The following MAMLD1 variants were observed in gnomAD, a reference collection of about 807,000 sequenced individuals.
MAMLD1 encodes mastermind-like domain-containing protein 1.
Under a neutral mutation model 45.0 loss-of-function variants are expected in MAMLD1, and 14 were observed. The observed-to-expected ratio is 0.31, with a 90% CI of 0.21 to 0.49. The LOEUF (loss-of-function observed/expected upper bound fraction) is 0.49, where lower values mean the gene tolerates loss of function less well. Among genes scored for constraint, MAMLD1 ranks in the 20% least tolerant of loss-of-function variants. The pLI is 0.99. For missense variants in MAMLD1, 543 were observed against 603.6 expected (o/e 0.90, Z 1.05); for synonymous variants, 254 against 247.8 (o/e 1.02, Z -0.24).
chrX:150,426,853 A>G (rs1369117831), intron 1 of MAMLD1, among the ~76,000 whole-genome samples: 5 of 112,206 alleles, frequency 4.5e-5, no homozygotes, highest in African/African-American at 1.6e-4. Context: ...CCTTGCCTGC[A>G]GAAACATTTT....
At position 150,403,940 on chromosome X, in the gene MAMLD1, A is replaced by AAAAGAAAGAAAGAAAGAGAAAGAAAG. The variant is rs1557402563; in HGVS notation, c.-64+40427_-64+40428insGAAAGAAAGAAAGAAAGAAAGAAAGA. 3.9e-3 allele frequency among the ~76,000 whole-genome samples: 229 copies of AAAAGAAAGAAAGAAAGAGAAAGAAAG among 58,888 alleles called. 2 individuals carry two copies. Among genetic ancestry groups the AAAAGAAAGAAAGAAAGAGAAAGAAAG allele is most frequent in the Non-Finnish European group, 5.5e-3 (171 of 30,966 alleles). The allele number at this position is 58,888 out of a possible 115,157, so 51.1% of individuals were successfully genotyped here. A position where few individuals can be genotyped will look rare whatever the true frequency, so the allele number is the denominator to read the frequency against. Reference sequence around the variant, plus strand: ...AAGAAAGAAAGACAGAGAAAGAAAGAAAAGAAAGAAAGAAAGAAAGAAAGA... The same window carrying AAAAGAAAGAAAGAAAGAGAAAGAAAG: ...AAGAAAGAAAGACAGAGAAAGAAAGAAAAGAAAGAAAGAAAGAGAAAGAAAGAAAGAAAGAAAGAAAGAAAGAAAGA... On this transcript the variant is annotated intron_variant, in intron 1 of 7. Transcript: ENST00000370401.
At chrX:150,504,227 C>T in intron 6 of MAMLD1, 2 of 752,317 alleles carry the variant, frequency 2.7e-6, no homozygotes, top group African/African-American at 4.6e-5. Flanking sequence ...CGGATGGACA[C>T]CAGCCAGAGG....
rs2037847195 is a variant in MAMLD1, at chrX:150,509,817, G to A, written c.2285-145G>A. 8.0e-5 allele frequency: 41 copies of A among 510,086 alleles called. 1 individual carries two copies. The South Asian group carries it at 1.1e-3, about 14-fold the overall frequency. 42.0% of individuals were successfully genotyped at this position (510,086 alleles called of 1,213,427 possible). A position where few individuals can be genotyped will look rare whatever the true frequency, so the allele number is the denominator to read the frequency against. The stretch of plus-strand genomic sequence containing the variant: ...CTGTGGAATTTTGCTCGAGAGGGTG[G>A]GGCATGCATGCGAGTGTATGCTGGT... On this transcript the variant is annotated intron_variant, in intron 6 of 7. Transcript: ENST00000370401.
At chrX:150,511,903 G>A in intron 7 of MAMLD1, 101 bp from the exon 8 acceptor site, 1 of 750,992 alleles carries the variant, frequency 1.3e-6, no homozygotes, top group East Asian at 3.8e-5. Context: ...AGGGCGGGAG[G>A]TGAGAAGTCC....
At chrX:150,389,194 A>G (rs2033065535) in intron 1 of MAMLD1, among the ~76,000 whole-genome samples, 1 of 110,799 alleles carries the variant, frequency 9.0e-6, no homozygotes, top group Non-Finnish European at 1.9e-5. Flanking sequence ...TTACAGGCAC[A>G]CACTGCCACG....
intron 6 of MAMLD1, 50 bp from the exon 7 acceptor site, chrX:150,509,912 T>C (rs782250957): frequency 4.3e-6 from 4 of 919,801 alleles, no homozygotes; most frequent in Non-Finnish European, 6.4e-6. Flanking sequence ...CTAAGGCTAA[T>C]TATTAATTGG....
In MAMLD1 at chrX:150,471,370, G is replaced by GCAGCAGCAA. The variant is rs782453019; in HGVS notation, c.1806_1814dup (p.Gln604_Gln606dup). The GCAGCAGCAA allele has an allele frequency of 7.0e-3, 8,485 of 1,209,850 alleles. 35 individuals are homozygous for GCAGCAGCAA. The highest frequency in any genetic ancestry group is 8.7e-3 in the Non-Finnish European group (7,767 of 894,929). The stretch of plus-strand genomic sequence containing the variant: ...CTGCCACCTTGCAGCTGCAGCAGCA[G>GCAGCAGCAA]CAGCAGCAACAGCAGCAGCAGCCTG... On this transcript the variant is annotated inframe_insertion, in exon 4 of 8. Coordinates refer to ENST00000370401, the MANE Select transcript of MAMLD1 (RefSeq NM_005491.5).
At chrX:150,398,337 A>AGAAGAAGAAGAAGAAGAAGAAGAG (rs2033588884) in intron 1 of MAMLD1, among the ~76,000 whole-genome samples, 1 of 52,286 alleles carries the variant, frequency 1.9e-5, no homozygotes. Context: ...AAGAAGAAGA[A>AGAAGAAGAAGAAGAAGAAGAAGAG]GAAGAGGAAG....
chrX:150,423,348 C>CTGTGTGTGTG (rs1246327427), intron 1 of MAMLD1, among the ~76,000 whole-genome samples: 1,068 of 7,822 alleles, frequency 0.14, 22 homozygotes, highest in African/African-American at 0.16. Context: ...ACATTATACT[C>CTGTGTGTGTG]TGTGTGTGTG....
intron 1 of MAMLD1, among the ~76,000 whole-genome samples, chrX:150,412,177 C>G (rs2034139211): frequency 9.0e-6 from 1 of 111,248 alleles, no homozygotes; most frequent in African/African-American, 3.3e-5. Context: ...AATGTGAAGG[C>G]TCTGAGACTC....
intron 6 of MAMLD1, among the ~76,000 whole-genome samples, chrX:150,505,337 C>T (rs2062568509): frequency 8.9e-6 from 1 of 112,107 alleles, no homozygotes; most frequent in Admixed American, 9.4e-5. Flanking sequence ...CACCCTCCAT[C>T]CCTTCACCCT....
Position 150,418,160 on chromosome X carries a change from C to G in MAMLD1, c.-63-27294C>G, listed in dbSNP as rs781952504. Among the ~76,000 whole-genome samples, 494 of 111,664 alleles carry G rather than the reference C, an allele frequency of 4.4e-3. 4 individuals carry two copies. Among genetic ancestry groups the G allele is most frequent in the African/African-American group, 0.015 (471 of 30,694 alleles). The stretch of plus-strand genomic sequence containing the variant: ...AGAGATTCAACTTCTTCCTGGTTTA[C>G]TCTTGGGAGAGTGTATGTGTCCAGG... On this transcript the variant is annotated intron_variant, in intron 1 of 7. Transcript: ENST00000370401.
intron 5 of MAMLD1, among the ~76,000 whole-genome samples, chrX:150,489,193 A>T (rs1205635721): frequency 8.9e-6 from 1 of 111,757 alleles, no homozygotes; most frequent in Non-Finnish European, 1.9e-5. Flanking sequence ...TCACTGTCTT[A>T]GTCAGTTCAG....
chrX:150,504,375 C>T lies in MAMLD1; in HGVS notation c.2284+858C>T, dbSNP rs782576332. On this transcript the variant is annotated intron_variant, in intron 6 of 7. Transcript: ENST00000370401. ...GAAGATGGTCATTAAGCTGAAAGGG[C>T]CTCCCAGGATTCTGGCCTTTAATGG... 649 of 751,831 alleles carry T rather than the reference C, an allele frequency of 8.6e-4. 1 individual carries two copies. The highest frequency in any genetic ancestry group is 9.9e-4 in the Non-Finnish European group (629 of 638,243). 62.0% of individuals were successfully genotyped at this position (751,831 alleles called of 1,213,427 possible).
chrX:150,422,144 G>C (rs981546375), intron 1 of MAMLD1, among the ~76,000 whole-genome samples: 2 of 112,372 alleles, frequency 1.8e-5, no homozygotes, highest in Non-Finnish European at 3.8e-5. Context: ...CAGTGATGTC[G>C]GCACTTCTTT....
At chrX:150,473,260 C>T (rs1385143429) in intron 4 of MAMLD1, among the ~76,000 whole-genome samples, 4 of 112,464 alleles carry the variant, frequency 3.6e-5, no homozygotes, top group East Asian at 2.8e-4. Flanking sequence ...GGCTCAGGCA[C>T]CATCCCTCCA....
chrX:150,490,384 G>T lies in MAMLD1; in HGVS notation c.2041-12890G>T, dbSNP rs183613229. On this transcript the variant is annotated intron_variant, in intron 5 of 7. Transcript: ENST00000370401. ...TTGTTTTTCCCCCTTTCCATTGTTT[G>T]TCAAATTCCCCATCTGAACCCAGGT... Among the ~76,000 whole-genome samples, 4 of 112,146 alleles carry T rather than the reference G, an allele frequency of 3.6e-5. No homozygotes were observed. The East Asian group carries it at 1.1e-3, about 31-fold the overall frequency.
rs2034118968 is a variant in MAMLD1, at chrX:150,411,303, A to G, written c.-63-34151A>G. On this transcript the variant is annotated intron_variant, in intron 1 of 7. Transcript: ENST00000370401. ...AGTGCTTTCCTCTGGGATAGGAACC[A>G]CAGCCCCATTTGCTTCACAGGATGG... Among the ~76,000 whole-genome samples the G allele has an allele frequency of 5.3e-5, 6 of 112,524 alleles. No individual in the cohort carries two copies. The South Asian group carries it at 2.2e-3, about 41-fold the overall frequency.
chrX:150,489,593 G>T (rs1430405928), intron 5 of MAMLD1, among the ~76,000 whole-genome samples: 1 of 105,488 alleles, frequency 9.5e-6, no homozygotes, highest in Admixed American at 1.0e-4. Context: ...GGCAAAAACC[G>T]CAATTACTTT....
Sources: allele counts gnomAD v4.1 joint callset (sites outside exome capture counted in the v4.1 genomes callset), GRCh38; gene constraint gnomAD v4.1.1; transcripts MANE v1.5; gene names NCBI Gene and HGNC (gene_info 2026-07-23, HGNC 2026-07-21).